Variants in DLG2 observed in about 807,000 individuals in gnomAD.
The protein encoded by DLG2 is disks large homolog 2.
A neutral mutation model predicts 132.5 loss-of-function variants in DLG2; 45 were observed. The ratio of observed to expected loss-of-function variants is 0.34; its 90% CI spans 0.27 to 0.44. The LOEUF (loss-of-function observed/expected upper bound fraction) is 0.44. Among genes scored for constraint, DLG2 ranks in the 20% least tolerant of loss-of-function variants. DLG2 has a pLI of 1.00. For missense variants in DLG2, 1,045 were observed against 1,196.9 expected (o/e 0.87, Z 1.87); for synonymous variants, 424 against 419.6 (o/e 1.01, Z -0.13).
intron 17 of DLG2, among the ~76,000 whole-genome samples, chr11:83,823,589 A>G (rs944745736): frequency 2.0e-5 from 3 of 152,182 alleles, no homozygotes; most frequent in Non-Finnish European, 4.4e-5. Context: ...CGAGATGAAT[A>G]AAACTGAGAG....
intron 8 of DLG2, among the ~76,000 whole-genome samples, chr11:84,233,125 A>G (rs1455966430): frequency 6.6e-6 from 1 of 152,208 alleles, no homozygotes; most frequent in East Asian, 1.9e-4. Context: ...GTGTTATAGT[A>G]GGTAGCTAGT....
chr11:84,533,648 G>T lies in DLG2; in HGVS notation c.519+922C>A, dbSNP rs138817340. ...TTTTGCAGGTATAATAAGATCCAGA[G>T]AACACGGGAGACACTTTTATGTCTT... On this transcript the variant is annotated intron_variant, in intron 7 of 27. Transcript: ENST00000376104. Among the ~76,000 whole-genome samples, 22 of 152,152 alleles carry T rather than the reference G, an allele frequency of 1.4e-4. No individual in the cohort carries two copies. The South Asian group carries it at 2.7e-3, about 19-fold the overall frequency.
At chr11:83,938,316 T>C (rs1021434240) in intron 14 of DLG2, among the ~76,000 whole-genome samples, 11 of 152,160 alleles carry the variant, frequency 7.2e-5, no homozygotes, top group African/African-American at 2.7e-4. Context: ...AAGTAAACAC[T>C]GCTGAGAGTA....
chr11:83,973,962 C>A (rs180889522), intron 12 of DLG2, among the ~76,000 whole-genome samples: 2 of 139,238 alleles, frequency 1.4e-5, no homozygotes, highest in Admixed American at 6.9e-5. Flanking sequence ...TAAGTTCTAA[C>A]TGAGTTCTAA....
At position 83,643,159 on chromosome 11, in the gene DLG2, A is replaced by G. The variant is rs1231474700; in HGVS notation, c.1826-9834T>C. 3.3e-5 allele frequency among the ~76,000 whole-genome samples: 5 copies of G among 151,986 alleles called. No individual in the cohort carries two copies. The East Asian group carries it at 9.7e-4, about 29-fold the overall frequency. On this transcript the variant is annotated intron_variant, in intron 18 of 27. Transcript: ENST00000376104. ...GCGGTGACAAAAGTAATTCATACCA[A>G]TGCAGTTTTTTAAAAATATCCCAAC... is the stretch of plus-strand genomic sequence containing the variant.
intron 6 of DLG2, among the ~76,000 whole-genome samples, chr11:85,038,505 A>G (rs1241488651): frequency 6.6e-6 from 1 of 152,056 alleles, no homozygotes; most frequent in Admixed American, 6.6e-5. Context: ...ATATTTACAC[A>G]GAAGTGACAA....
chr11:83,842,833 A>G (rs1565301597), intron 16 of DLG2, among the ~76,000 whole-genome samples: 1 of 137,074 alleles, frequency 7.3e-6, no homozygotes, highest in Non-Finnish European at 1.6e-5. Flanking sequence ...AAAAAAAAAA[A>G]GAAGGAAAAT....
intron 7 of DLG2, among the ~76,000 whole-genome samples, chr11:84,533,905 C>CAAAG (rs2099348957): frequency 2.8e-5 from 2 of 70,280 alleles, no homozygotes; most frequent in African/African-American, 1.1e-4. Context: ...CCAGTTCAGC[C>CAAAG]AAAAAAAAAA....
intron 7 of DLG2, chr11:84,437,383 C>T (rs539283293): frequency 6.6e-6 from 1 of 152,322 alleles, no homozygotes; most frequent in African/African-American, 2.4e-5. Flanking sequence ...CCACTCATTC[C>T]ATACCTTCTC....
At chr11:84,656,242 G>A (rs1286220661) in intron 6 of DLG2, among the ~76,000 whole-genome samples, 1 of 152,102 alleles carries the variant, frequency 6.6e-6, no homozygotes, top group Non-Finnish European at 1.5e-5. Flanking sequence ...TCTTCCATGT[G>A]TATAACCAGT....
At chr11:83,596,454 C>A (rs954386366) in intron 19 of DLG2, among the ~76,000 whole-genome samples, 4 of 152,146 alleles carry the variant, frequency 2.6e-5, no homozygotes, top group Non-Finnish European at 4.4e-5. Context: ...TTCCCATTGC[C>A]TGTGCTTTAA....
intron 8 of DLG2, among the ~76,000 whole-genome samples, chr11:84,170,653 G>A (rs1348418176): frequency 6.6e-6 from 1 of 152,162 alleles, no homozygotes; most frequent in Non-Finnish European, 1.5e-5. Flanking sequence ...AACAGAGACA[G>A]CAATATTAAC....
At chr11:83,979,683 A>C (rs2092609615) in intron 12 of DLG2, among the ~76,000 whole-genome samples, 1 of 152,164 alleles carries the variant, frequency 6.6e-6, no homozygotes, top group Non-Finnish European at 1.5e-5. Flanking sequence ...GTCTAAGGGG[A>C]GGAAAGGAAG....
intron 7 of DLG2, among the ~76,000 whole-genome samples, chr11:84,346,314 T>C (rs950350897): frequency 3.3e-5 from 5 of 152,228 alleles, no homozygotes; most frequent in Admixed American, 3.3e-4. Flanking sequence ...CACTCTAGCC[T>C]ATAAGCGCCT....
At chr11:85,307,169 AT>A (rs1313368136) in intron 3 of DLG2, among the ~76,000 whole-genome samples, 4 of 152,214 alleles carry the variant, frequency 2.6e-5, no homozygotes, top group Non-Finnish European at 4.4e-5. Context: ...CTCCACAAAC[AT>A]TTGTTAAATG....
chr11:84,232,627 C>G (rs2097108467), intron 8 of DLG2, among the ~76,000 whole-genome samples: 2 of 152,282 alleles, frequency 1.3e-5, no homozygotes, highest in African/African-American at 4.8e-5. Context: ...GCTTCCCACT[C>G]TCTGCTCTTC....
intron 3 of DLG2, among the ~76,000 whole-genome samples, chr11:85,332,219 A>G (rs1166391653): frequency 6.6e-6 from 1 of 152,208 alleles, no homozygotes; most frequent in South Asian, 2.1e-4. Context: ...ATGATTAGTG[A>G]TAATAAACAT....
intron 2 of DLG2, among the ~76,000 whole-genome samples, chr11:85,602,765 TC>T (rs2153234238): frequency 6.6e-6 from 1 of 152,254 alleles, no homozygotes; most frequent in Non-Finnish European, 1.5e-5. Context: ...CTCAATCTAC[TC>T]CAACCACAGT....
intron 4 of DLG2, among the ~76,000 whole-genome samples, chr11:85,282,979 C>G (rs2078327491): frequency 6.6e-6 from 1 of 151,870 alleles, no homozygotes; most frequent in African/African-American, 2.4e-5. Context: ...AGCCAACTAA[C>G]ACAGGAACAA....
Sources: allele counts gnomAD v4.1 joint callset (sites outside exome capture counted in the v4.1 genomes callset), GRCh38; gene constraint gnomAD v4.1.1; transcripts MANE v1.5; gene names NCBI Gene and HGNC (gene_info 2026-07-23, HGNC 2026-07-21).